Variants in LONP1 observed in about 807,000 individuals in gnomAD.
LONP1 encodes the protein lon protease homolog, mitochondrial.
In LONP1, 31 loss-of-function variants were observed where a neutral mutation model predicts 98.5. The ratio of observed to expected loss-of-function variants is 0.31; its 90% CI spans 0.24 to 0.42. LONP1 has a LOEUF of 0.42. Among genes scored for constraint, LONP1 ranks in the 20% least tolerant of loss-of-function variants. LONP1 has a pLI of 1.00. For synonymous variants in LONP1, 781 were observed against 594.7 expected, an observed-to-expected ratio of 1.31 and a Z score of -4.56; for missense variants, 1,336 against 1,350.6, an observed-to-expected ratio of 0.99 and a Z score of 0.17.
intron 1 of LONP1, among the ~76,000 whole-genome samples, chr19:5,715,387 T>C (rs1365575206): frequency 2.0e-5 from 3 of 150,468 alleles, no homozygotes; most frequent in African/African-American, 4.9e-5. Context: ...CTCACGCCTG[T>C]AATCCCAGCA....
At chr19:5,703,207 A>G (rs986799991) in intron 8 of LONP1, among the ~76,000 whole-genome samples, 1 of 150,136 alleles carries the variant, frequency 6.7e-6, no homozygotes, top group Admixed American at 6.6e-5. Context: ...AAAAATTTAC[A>G]AACTGCCCTG....
Position 5,696,726 on chromosome 19 carries a change from T to C in LONP1, c.1717A>G (p.Ile573Val). ...RTYVGAMPGK[I>V]IQCLKKTKTE... ...TTGGTCTTCTTCAAACACTGGATGA[T>C]CTTCCCGGGCATGGCGCCCACGTAG... is the stretch of plus-strand genomic sequence containing the variant. The change falls in exon 11 of 18, where the codon ATC becomes GTC. Residue 573 changes from isoleucine (I) to valine (V), a missense_variant. By Grantham distance (29) the Ile-to-Val change is conservative. Transcript: ENST00000360614. The C allele has an allele frequency of 6.2e-7, 1 of 1,613,562 alleles. No individual in the cohort carries two copies. The highest frequency in any genetic ancestry group is 8.5e-7 in the Non-Finnish European group (1 of 1,179,942).
At chr19:5,709,324 A>T (rs2055199295) in intron 4 of LONP1, among the ~76,000 whole-genome samples, 1 of 148,176 alleles carries the variant, frequency 6.7e-6, no homozygotes, top group Non-Finnish European at 1.5e-5. Context: ...CCCCATCTCC[A>T]CTAAAAATAC....
In LONP1 at chr19:5,693,686, C is replaced by A; in HGVS notation, c.2404G>T (p.Val802Leu). ...AKGDKDGSLE[V>L]TGQLGEVMKE... ...ATCACCTCCCCCAGCTGGCCTGTCA[C>A]CTCCAGGCTGCCATCCTTGTCACCC... is the stretch of plus-strand genomic sequence containing the variant. Residue 802 changes from valine (V) to leucine (L), a missense_variant, in exon 16 of 18, where the codon GTG becomes TTG. Val to Leu is a conservative substitution (Grantham distance 32, BLOSUM62 1). This residue lies in a region of LONP1 where 555 missense variants were observed against 542.6 expected (regional missense o/e 1.02). Transcript: ENST00000360614. 1 of 1,614,126 alleles carries A rather than the reference C, an allele frequency of 6.2e-7. No homozygotes were observed. The highest frequency in any genetic ancestry group is 8.5e-7 in the Non-Finnish European group (1 of 1,179,998).
chr19:5,694,689 G>T, intron 14 of LONP1, 72 bp downstream of exon 14: 1 of 1,514,182 alleles, frequency 6.6e-7, no homozygotes. Flanking sequence ...TGATGGGCAT[G>T]GAAAGGTGGG....
At chr19:5,694,246 TG>T in intron 15 of LONP1, 140 bp downstream of exon 15, 1 of 1,103,392 alleles carries the variant, frequency 9.1e-7, no homozygotes, top group Non-Finnish European at 1.3e-6. Context: ...CCAGACCCCC[TG>T]GGCTCCCAGC....
intron 4 of LONP1, 61 bp from the exon 5 acceptor site, chr19:5,708,464 G>A: frequency 9.6e-7 from 1 of 1,045,002 alleles, no homozygotes; most frequent in Non-Finnish European, 1.4e-6. Flanking sequence ...GGTGGGCTGG[G>A]TGGGAGCATG....
intron 4 of LONP1, among the ~76,000 whole-genome samples, chr19:5,711,003 G>A (rs1294320038): frequency 1.3e-5 from 2 of 151,816 alleles, no homozygotes; most frequent in South Asian, 2.1e-4. Flanking sequence ...TCCAGCCTGG[G>A]TTGACAGAGC....
intron 6 of LONP1, 121 bp from the exon 7 acceptor site, chr19:5,707,264 C>CTGG: frequency 1.3e-6 from 1 of 767,104 alleles, no homozygotes; most frequent in Non-Finnish European, 2.2e-6. Flanking sequence ...CCATGCTGTA[C>CTGG]CCAGCACAGA....
chr19:5,702,347 G>C (rs1314524843), intron 8 of LONP1, among the ~76,000 whole-genome samples: 2 of 150,322 alleles, frequency 1.3e-5, no homozygotes, highest in African/African-American at 4.9e-5. Context: ...CCGTCCGGGA[G>C]GGAGGTGGGG....
chr19:5,703,408 G>C (rs2055092303), intron 8 of LONP1, among the ~76,000 whole-genome samples: 1 of 152,092 alleles, frequency 6.6e-6, no homozygotes, highest in Non-Finnish European at 1.5e-5. Context: ...CCTGCCGGGA[G>C]AGTGACGCTG....
intron 1 of LONP1, among the ~76,000 whole-genome samples, chr19:5,716,253 A>ATATATATAT (rs2055316282): frequency 1.4e-5 from 1 of 71,720 alleles, no homozygotes. Flanking sequence ...ATAAAGTTAA[A>ATATATATAT]ATATACATAT....
Position 5,714,238 on chromosome 19 carries a change from T to C in LONP1, c.463A>G (p.Arg155Gly). The C allele has an allele frequency of 1.2e-6, 2 of 1,614,064 alleles. No homozygotes were observed. Among genetic ancestry groups the C allele is most frequent in the Non-Finnish European group, 8.5e-7 (1 of 1,179,942 alleles). ...TAAGGCTGGGCGAGACGAACTTTCC[T>C]TCTCAGCAGCTCAACCAACTTCTTA... ...KNKKLVELLR[R>G]KVRLAQPYVG... The change falls in exon 2 of 18, where the codon AGG becomes GGG. Residue 155 changes from arginine to glycine, a missense_variant. This residue lies in a region of LONP1 where 457 missense variants were observed against 403.1 expected (regional missense o/e 1.13). Coordinates refer to ENST00000360614, the MANE Select transcript of LONP1 (RefSeq NM_004793.4).
intron 5 of LONP1, 148 bp downstream of exon 5, chr19:5,708,194 T>A: frequency 1.3e-6 from 1 of 789,624 alleles, no homozygotes; most frequent in East Asian, 2.7e-5. Flanking sequence ...CATGCCCCAG[T>A]GGGCAACGGG....
At chr19:5,719,641 CA>C in intron 1 of LONP1, 62 bp downstream of exon 1, 3 of 1,611,502 alleles carry the variant, frequency 1.9e-6, no homozygotes, top group Non-Finnish European at 2.5e-6. Flanking sequence ...CAAGTGATCC[CA>C]CGGTTCAGCC....
intron 4 of LONP1, among the ~76,000 whole-genome samples, chr19:5,709,869 G>C (rs186062821): frequency 1.6e-5 from 2 of 123,058 alleles, no homozygotes; most frequent in African/African-American, 6.6e-5. Flanking sequence ...CCGAGATCAC[G>C]CCACTGCACT....
At chr19:5,710,400 TATTTTA>T (rs1056906255) in intron 4 of LONP1, among the ~76,000 whole-genome samples, 1 of 151,866 alleles carries the variant, frequency 6.6e-6, no homozygotes, top group African/African-American at 2.4e-5. Context: ...TGAATTTTTT[TATTTTA>T]ATTTTTAGAT....
Position 5,693,381 on chromosome 19 carries a change from G to T in LONP1, c.2620C>A (p.Arg874=). ...LLSLAMGRPV[R]QNLAMTGEVS... is the part of the protein sequence containing the mutation. ...TCGCCAGTCATGGCCAGATTCTGCCGGACAGGCCTGCCCATGGCCAGGGAC... is the reference window on the plus strand; with the variant it reads ...TCGCCAGTCATGGCCAGATTCTGCCTGACAGGCCTGCCCATGGCCAGGGAC... Residue 874 remains arginine, a synonymous_variant, in exon 17 of 18, where the codon CGG becomes AGG. Transcript: ENST00000360614. 2 of 1,613,340 alleles carry T rather than the reference G, an allele frequency of 1.2e-6. No homozygotes were observed. The highest frequency in any genetic ancestry group is 1.1e-5 in the South Asian group (1 of 91,084).
chr19:5,703,567 G>A (rs559821703), intron 8 of LONP1, among the ~76,000 whole-genome samples: 86 of 151,972 alleles, frequency 5.7e-4, no homozygotes, highest in African/African-American at 1.9e-3. Flanking sequence ...GACGGCTTCC[G>A]AGGAAGGGCC....
Sources: gnomAD v4.1 joint callset for allele counts (sites outside exome capture counted in the v4.1 genomes callset) on GRCh38, gnomAD v4.1.1 for gene constraint, gnomAD v4.1.1 regional missense constraint, MANE v1.5 for transcripts, NCBI Gene and HGNC (gene_info 2026-07-23, HGNC 2026-07-21) for gene names.